Variants in LRRN3 observed in about 807,000 individuals in gnomAD.
LRRN3 encodes leucine rich repeat neuronal 3.
Under a neutral mutation model 40.1 loss-of-function variants are expected in LRRN3, and 15 were observed. The observed-to-expected ratio is 0.37, with a 90% CI of 0.25 to 0.58. The LOEUF (loss-of-function observed/expected upper bound fraction) is 0.58, where lower values mean the gene tolerates loss of function less well. LRRN3 is among the 20% of genes least tolerant of loss of function. The probability of loss-of-function intolerance (pLI) is 0.72; values close to 1 mark genes in which losing one functional copy is unlikely to be tolerated. For missense variants in LRRN3, 746 were observed against 837.7 expected (o/e 0.89, Z 1.35); for synonymous variants, 308 against 297.2 (o/e 1.04, Z -0.37).
chr7:111,119,230 G>C (rs1360391978), intron 2 of LRRN3, among the ~76,000 whole-genome samples: 2 of 152,134 alleles, frequency 1.3e-5, no homozygotes, highest in African/African-American at 4.8e-5. Context: ...TTTGTACCTA[G>C]GTTTTTCCTT....
At chr7:111,111,096 T>C (rs563947590) in intron 2 of LRRN3, among the ~76,000 whole-genome samples, 1 of 152,244 alleles carries the variant, frequency 6.6e-6, no homozygotes, top group South Asian at 2.1e-4. Context: ...AGGTGATTTG[T>C]CACTTAGCTT....
At chr7:111,101,734 G>A (rs536482979) in intron 2 of LRRN3, among the ~76,000 whole-genome samples, 6 of 151,392 alleles carry the variant, frequency 4.0e-5, no homozygotes, top group African/African-American at 1.5e-4. Context: ...TGAGTTAGGG[G>A]TTTGATTTTA....
In LRRN3 at chr7:111,122,852, T is replaced by G; in HGVS notation, c.80T>G (p.Val27Gly). ...CTAGTACAAGCTGTAGATAAAAAAG[T>G]GGATTGTCCACGGTTATGTACGTGT... is the stretch of plus-strand genomic sequence containing the variant. The part of the protein sequence containing the change: ...TTLVQAVDKK[V>G]DCPRLCTCEI... The change falls in exon 3 of 3, where the codon GTG (valine) becomes GGG (glycine). Residue 27 changes from valine to glycine, a missense_variant. Physicochemically the swap from Val to Gly is moderately radical, Grantham distance 109. Coordinates refer to ENST00000308478, the MANE Select transcript of LRRN3 (RefSeq NM_001099658.2). 1 of 1,613,986 alleles carries G rather than the reference T, an allele frequency of 6.2e-7. No individual in the cohort carries two copies. Among genetic ancestry groups the G allele is most frequent in the African/African-American group, 1.3e-5 (1 of 75,046 alleles).
intron 1 of LRRN3, among the ~76,000 whole-genome samples, chr7:111,096,508 T>TA (rs5886589): frequency 0.79 from 114,245 of 144,680 alleles, 46,128 homozygotes; most frequent in East Asian, 0.88. Context: ...GAGTTAAATT[T>TA]AAAAAAAAAA....
intron 2 of LRRN3, among the ~76,000 whole-genome samples, chr7:111,111,945 T>TG (rs1191870952): frequency 0.014 from 1,689 of 123,114 alleles, 49 homozygotes; most frequent in African/African-American, 0.055. Flanking sequence ...ATAGTTTGTT[T>TG]TTTTTTTTTT....
intron 1 of LRRN3, among the ~76,000 whole-genome samples, chr7:111,095,296 C>G (rs1797286377): frequency 6.6e-6 from 1 of 151,840 alleles, no homozygotes; most frequent in Non-Finnish European, 1.5e-5. Context: ...TTTGTATTCA[C>G]CCAGCTATTT....
intron 2 of LRRN3, among the ~76,000 whole-genome samples, chr7:111,108,521 T>C (rs1234735098): frequency 5.9e-5 from 9 of 152,136 alleles, no homozygotes; most frequent in Non-Finnish European, 4.4e-5. Context: ...AAAAAAGATA[T>C]ACGAACAAAA....
At position 111,122,794 on chromosome 7, in the gene LRRN3, A is replaced by G; in HGVS notation, c.22A>G (p.Ile8Val). ...TAAGATGAAGGACATGCCACTCCGA[A>G]TTCATGTGCTACTTGGCCTAGCTAT... MKDMPLR[I>V]HVLLGLAITT... is the part of the protein sequence containing the mutation. The change falls in exon 3 of 3, where the codon ATT becomes GTT. Residue 8 changes from isoleucine to valine, a missense_variant. Coordinates refer to ENST00000308478, the MANE Select transcript of LRRN3 (RefSeq NM_001099658.2). 6.2e-7 allele frequency: 1 copy of G among 1,613,222 alleles called. No individual in the cohort carries two copies. Among genetic ancestry groups the G allele is most frequent in the South Asian group, 1.1e-5 (1 of 90,950 alleles).
At chr7:111,091,960 C>T (rs1664907026) in intron 1 of LRRN3, among the ~76,000 whole-genome samples, 1 of 152,128 alleles carries the variant, frequency 6.6e-6, no homozygotes. Flanking sequence ...AAAAGCAGAT[C>T]ACACATTATT....
chr7:111,108,809 C>T (rs1321071722), intron 2 of LRRN3, among the ~76,000 whole-genome samples: 2 of 151,944 alleles, frequency 1.3e-5, no homozygotes, highest in Non-Finnish European at 2.9e-5. Flanking sequence ...CAAATGAGTA[C>T]CTCGTACAGC....
chr7:111,109,317 C>T (rs1299162131), intron 2 of LRRN3, among the ~76,000 whole-genome samples: 1 of 151,560 alleles, frequency 6.6e-6, no homozygotes, highest in Admixed American at 6.6e-5. Context: ...CATACAAGAG[C>T]AAGAAAACCC....
At chr7:111,100,131 T>C (rs74556040) in intron 2 of LRRN3, among the ~76,000 whole-genome samples, 169 bp downstream of exon 2, 2,720 of 151,560 alleles carry the variant, frequency 0.018, 94 homozygotes, top group African/African-American at 0.062. Context: ...CATGTATTTC[T>C]TTTTTTTAAA....
chr7:111,105,670 G>A (rs898380880), intron 2 of LRRN3, among the ~76,000 whole-genome samples: 4 of 151,604 alleles, frequency 2.6e-5, no homozygotes, highest in Non-Finnish European at 5.9e-5. Flanking sequence ...CTCCTGACAG[G>A]TCTATTTTCC....
At chr7:111,107,957 A>G (rs990637870) in intron 2 of LRRN3, among the ~76,000 whole-genome samples, 1 of 152,184 alleles carries the variant, frequency 6.6e-6, no homozygotes, top group Non-Finnish European at 1.5e-5. Flanking sequence ...AATATTTCCC[A>G]GTCTCAACTT....
At chr7:111,120,016 G>A (rs780985775) in intron 2 of LRRN3, among the ~76,000 whole-genome samples, 2 of 152,128 alleles carry the variant, frequency 1.3e-5, no homozygotes, top group Non-Finnish European at 2.9e-5. Flanking sequence ...AAGTATTCCA[G>A]GCAGAGTGAT....
intron 1 of LRRN3, among the ~76,000 whole-genome samples, chr7:111,097,612 G>C (rs77535264): frequency 4.6e-5 from 7 of 151,734 alleles, no homozygotes; most frequent in Non-Finnish European, 5.9e-5. Flanking sequence ...GTTAAAAATA[G>C]ACATGTATTT....
Position 111,123,816 on chromosome 7 carries a change from C to T in LRRN3, c.1044C>T (p.Ala348=). 2 of 1,613,974 alleles carry T rather than the reference C, an allele frequency of 1.2e-6. No individual in the cohort carries two copies. The highest frequency in any genetic ancestry group is 1.7e-6 in the Non-Finnish European group (2 of 1,179,966). ...TGCTGAACAGCAATGCTCTCAGTGC[C>T]CTGTACCATGGTACCATTGAGTCTC... ...SLMLNSNALS[A]LYHGTIESLP... Residue 348 remains alanine (A), a synonymous_variant, in exon 3 of 3, where the codon GCC becomes GCT. Coordinates refer to ENST00000308478, the MANE Select transcript of LRRN3 (RefSeq NM_001099658.2). This position sits in a 1 kb window ranked among gnomAD's most constrained non-coding sequence, Gnocchi z 6.4.
At position 111,100,549 on chromosome 7, in the gene LRRN3, TAATA is replaced by T. The variant is rs538016517; in HGVS notation, c.-359+593_-359+596del. Among the ~76,000 whole-genome samples, 884 of 150,160 alleles carry T rather than the reference TAATA, an allele frequency of 5.9e-3. 15 individuals carry two copies. Among genetic ancestry groups the T allele is most frequent in the African/African-American group, 0.021 (850 of 41,206 alleles). On this transcript the variant is annotated intron_variant, in intron 2 of 2. Coordinates refer to ENST00000308478, the MANE Select transcript of LRRN3 (RefSeq NM_001099658.2). The stretch of plus-strand genomic sequence containing the variant: ...ACAACCTGATTAGTATAATATTATT[TAATA>T]AATAATATAATGATAATGAACACTT...
intron 1 of LRRN3, among the ~76,000 whole-genome samples, chr7:111,095,942 C>T (rs2129578751): frequency 6.6e-6 from 1 of 152,036 alleles, no homozygotes; most frequent in South Asian, 2.1e-4. Flanking sequence ...TAGAGTCAGA[C>T]TGAGAGCTCC....
Sources: allele counts gnomAD v4.1 joint callset (sites outside exome capture counted in the v4.1 genomes callset), GRCh38; gene constraint gnomAD v4.1.1; non-coding constraint Gnocchi (gnomAD v3.1); transcripts MANE v1.5; gene names NCBI Gene and HGNC (gene_info 2026-07-23, HGNC 2026-07-21).